The following MYCBP2 variants were observed in gnomAD, a reference collection of about 807,000 sequenced individuals.
The protein encoded by MYCBP2 is MYC binding protein 2.
A neutral mutation model predicts 525.3 loss-of-function variants in MYCBP2; 120 were observed. The observed-to-expected ratio is 0.23, with a 90% CI of 0.20 to 0.27. The LOEUF is 0.27. MYCBP2 is among the 10% of genes least tolerant of loss of function. The pLI, the probability that MYCBP2 is intolerant of heterozygous loss-of-function variation, is 1.00. For missense variants in MYCBP2, 4,149 were observed against 5,657.1 expected (o/e 0.73, Z 8.55); for synonymous variants, 1,894 against 1,955.8 (o/e 0.97, Z 0.83).
At chr13:77,150,170 A>C (rs527463558) in intron 47 of MYCBP2, among the ~76,000 whole-genome samples, 34 of 152,230 alleles carry the variant, frequency 2.2e-4, no homozygotes, top group Non-Finnish European at 4.6e-4. Context: ...AAAAATCCCA[A>C]AGAGTTCTAG....
At chr13:77,087,087 G>A (rs1428727149) in intron 62 of MYCBP2, among the ~76,000 whole-genome samples, 1 of 152,118 alleles carries the variant, frequency 6.6e-6, no homozygotes, top group Non-Finnish European at 1.5e-5. Flanking sequence ...TGAGTTTTAA[G>A]AATTTGACTA....
chr13:77,171,282 T>C (rs964741407), intron 38 of MYCBP2, among the ~76,000 whole-genome samples: 1 of 152,232 alleles, frequency 6.6e-6, no homozygotes, highest in East Asian at 1.9e-4. Context: ...AAAATAAGAA[T>C]ATATGGTAAC....
intron 52 of MYCBP2, among the ~76,000 whole-genome samples, chr13:77,137,922 G>C (rs1210164722): frequency 6.6e-6 from 1 of 151,638 alleles, no homozygotes; most frequent in Non-Finnish European, 1.5e-5. Context: ...ACTCCCCCTT[G>C]CCCAACAAAA....
chr13:77,179,064 C>T (rs2154244523), intron 34 of MYCBP2, among the ~76,000 whole-genome samples: 1 of 152,168 alleles, frequency 6.6e-6, no homozygotes, highest in South Asian at 2.1e-4. Flanking sequence ...CAAGTGTATG[C>T]GATGAACCAT....
chr13:77,134,560 C>CA (rs1798940904), intron 52 of MYCBP2, among the ~76,000 whole-genome samples: 1 of 149,062 alleles, frequency 6.7e-6, no homozygotes, highest in Non-Finnish European at 1.5e-5. Context: ...AAAAACAAAA[C>CA]AAAAAACAAC....
Position 77,089,029 on chromosome 13 carries a change from C to T in MYCBP2, c.10528G>A (p.Val3510Ile). The change falls in exon 61 of 83, where the codon GTT (valine) becomes ATT (isoleucine). Residue 3510 changes from valine to isoleucine, a missense_variant and splice_region_variant. Val to Ile is a conservative substitution (Grantham distance 29, BLOSUM62 3). Transcript: ENST00000544440. ...RRRVNSGDTEVGSSLLRHPSP... is the reference protein window; with the variant it reads ...RRRVNSGDTEIGSSLLRHPSP... ...GGATGTCTCAAAAGGGAAGAACCAA[C>T]TTCTATTAAAGAAAAAGAAAATTAT... 8 of 1,605,374 alleles carry T rather than the reference C, an allele frequency of 5.0e-6. No individual in the cohort carries two copies. Among genetic ancestry groups the T allele is most frequent in the Non-Finnish European group, 6.8e-6 (8 of 1,176,516 alleles).
intron 20 of MYCBP2, among the ~76,000 whole-genome samples, chr13:77,221,287 T>G (rs886138875): frequency 2.0e-5 from 3 of 152,216 alleles, no homozygotes; most frequent in African/African-American, 7.2e-5. Context: ...GGCCTGAAAC[T>G]GCCCTATATC....
At chr13:77,296,738 C>T (rs1382982644) in intron 1 of MYCBP2, 64 bp from the exon 2 acceptor site, 8 of 1,167,170 alleles carry the variant, frequency 6.9e-6, no homozygotes, top group Non-Finnish European at 9.3e-6. Flanking sequence ...ACAAAGCTAT[C>T]AAAAATGGGT....
rs948814431 is a variant in MYCBP2, at chr13:77,320,799, C to T, written c.302+5675G>A. Among the ~76,000 whole-genome samples the T allele has an allele frequency of 7.2e-5, 11 of 152,094 alleles. 1 individual carries two copies. The highest frequency in any genetic ancestry group is 4.4e-5 in the Non-Finnish European group (3 of 68,004). ...TGCTAAAAAATTTTCTAATGAACAC[C>T]TAATAAACCCTTAAGGTCTAGCTTC... is the stretch of plus-strand genomic sequence containing the variant. On this transcript the variant is annotated intron_variant, in intron 1 of 82. Coordinates refer to ENST00000544440, the MANE Select transcript of MYCBP2 (RefSeq NM_015057.5).
At chr13:77,113,558 A>G (rs921370414) in intron 55 of MYCBP2, among the ~76,000 whole-genome samples, 1 of 152,140 alleles carries the variant, frequency 6.6e-6, no homozygotes, top group African/African-American at 2.4e-5. Context: ...GCAAACAAAG[A>G]GGTGGGGGAA....
chr13:77,193,590 G>A (rs75802187), intron 27 of MYCBP2, among the ~76,000 whole-genome samples: 82 of 152,212 alleles, frequency 5.4e-4, no homozygotes, highest in Non-Finnish European at 1.0e-3. Flanking sequence ...TTAGGATTAC[G>A]TAGAGAGGAC....
rs187254513 is a variant in MYCBP2 at position 77,170,654 on chromosome 13, G to A, written c.5794+838C>T. Among the ~76,000 whole-genome samples the A allele has an allele frequency of 7.3e-5, 11 of 150,224 alleles. No individual in the cohort carries two copies. The East Asian group carries it at 2.0e-3, about 27-fold the overall frequency. On this transcript the variant is annotated intron_variant, in intron 38 of 82. Transcript: ENST00000544440. The stretch of plus-strand genomic sequence containing the variant: ...TGCAGTGGTGCGATCTCGGCTCACT[G>A]CAGCCTCCGCCTCCTGGGTTCAAGC...
Position 77,186,080 on chromosome 13 carries a change from A to T in MYCBP2, c.4252-17T>A, listed in dbSNP as rs745848991. ...AAAACATTCCTAATCCAGAATATGA[A>T]AAAACAGACAACAATTAATTCAAAT... is the stretch of plus-strand genomic sequence containing the variant. On this transcript the variant is annotated splice_polypyrimidine_tract_variant and intron_variant, in intron 30 of 82. Transcript: ENST00000544440. The T allele has an allele frequency of 8.6e-6, 13 of 1,519,686 alleles. No homozygotes were observed. The highest frequency in any genetic ancestry group is 1.2e-5 in the Non-Finnish European group (13 of 1,128,824). The allele number at this position is 1,519,686 out of a possible 1,614,324, so 94.1% of individuals were successfully genotyped here.
intron 1 of MYCBP2, among the ~76,000 whole-genome samples, chr13:77,320,894 A>G (rs1466704756): frequency 1.3e-5 from 2 of 152,228 alleles, no homozygotes; most frequent in Non-Finnish European, 2.9e-5. Flanking sequence ...TTAAGGAGCT[A>G]GATTTATATG....
chr13:77,097,948 C>G lies in MYCBP2; in HGVS notation c.9206G>C (p.Arg3069Thr). ...AGGTTGTTGGCTATTTAAACTACTC[C>G]TTATAGGAGCATGTTCTTTGGAAAG... is the stretch of plus-strand genomic sequence containing the variant. The part of the protein sequence containing the change: ...PELSKEHAPI[R>T]SSLNSQQPTE... Residue 3069 changes from arginine (R) to threonine (T), a missense_variant, in exon 56 of 83, where the codon AGG becomes ACG. By Grantham distance (71) the Arg-to-Thr change is moderately conservative. This residue lies in a region of MYCBP2 where 653 missense variants were observed against 744.7 expected (regional missense o/e 0.88). Coordinates refer to ENST00000544440, the MANE Select transcript of MYCBP2 (RefSeq NM_015057.5). 1.2e-6 allele frequency: 2 copies of G among 1,613,356 alleles called. No individual in the cohort carries two copies. The highest frequency in any genetic ancestry group is 1.7e-6 in the Non-Finnish European group (2 of 1,179,736).
chr13:77,211,814 T>C (rs2064050999), intron 22 of MYCBP2, 142 bp downstream of exon 22: 1 of 679,986 alleles, frequency 1.5e-6, no homozygotes, highest in Middle Eastern at 4.1e-4. Flanking sequence ...AACGGAGACA[T>C]TTACAGGCTT....
intron 21 of MYCBP2, among the ~76,000 whole-genome samples, chr13:77,213,248 G>C (rs1278568693): frequency 2.6e-5 from 4 of 152,218 alleles, no homozygotes. Context: ...GCCGAGATGG[G>C]AGGATCACCT....
intron 52 of MYCBP2, chr13:77,129,411 T>C (rs1351117250): frequency 2.7e-6 from 1 of 371,036 alleles, no homozygotes; most frequent in Non-Finnish European, 4.8e-6. Context: ...AAATTCTGTC[T>C]GATAAGTAAG....
intron 35 of MYCBP2, 69 bp from the exon 36 acceptor site, chr13:77,176,697 T>C (rs1016452543): frequency 1.0e-5 from 12 of 1,145,906 alleles, no homozygotes; most frequent in Non-Finnish European, 1.4e-5. Flanking sequence ...CAATTTTGAT[T>C]TATAATTATT....
Sources: allele counts gnomAD v4.1 joint callset (sites outside exome capture counted in the v4.1 genomes callset), GRCh38; gene constraint gnomAD v4.1.1; regional missense constraint gnomAD v4.1.1; transcripts MANE v1.5; gene names NCBI Gene and HGNC (gene_info 2026-07-23, HGNC 2026-07-21).